ZNF75A: variants seen among roughly 807,000 people sequenced by gnomAD.
The protein encoded by ZNF75A is zinc finger protein 75A.
ZNF75A carries 36 observed loss-of-function variants against 46.3 expected under a neutral mutation model. The observed-to-expected ratio is 0.78, with a 90% CI of 0.60 to 1.03. The LOEUF (loss-of-function observed/expected upper bound fraction) is 1.03, where lower values mean the gene tolerates loss of function less well. Ranked by LOEUF, ZNF75A falls within the 50% of genes least tolerant of loss-of-function variation. The pLI is 0.00. For synonymous variants in ZNF75A, 234 were observed against 189.9 expected, an observed-to-expected ratio of 1.23 and a Z score of -1.91; for missense variants, 595 against 551.3, an observed-to-expected ratio of 1.08 and a Z score of -0.79.
rs751503490 is a variant in ZNF75A, at chr16:3,317,618, A to G, written c.1363A>G (p.Ile455Val). Residue 455 changes from isoleucine to valine, a missense_variant, in exon 7 of 7, where the codon ATA becomes GTA. Ile to Val is a conservative substitution (Grantham distance 29). Coordinates refer to ENST00000669516, the MANE Select transcript of ZNF75A (RefSeq NM_001302109.2). Reference sequence around the variant, plus strand: ...TAAGCACTTAACAACACACCAAGGAATAAAACCATATAAATGTTCATGGTG... The same window carrying G: ...TAAGCACTTAACAACACACCAAGGAGTAAAACCATATAAATGTTCATGGTG... ...LNKHLTTHQG[I>V]KPYKCSWCGK... The G allele has an allele frequency of 1.4e-5, 22 of 1,614,068 alleles. No homozygotes were observed. Among genetic ancestry groups the G allele is most frequent in the Middle Eastern group, 1.6e-4 (1 of 6,082 alleles).
chr16:3,321,151 A>G (rs1044615433), downstream of ZNF75A, among the ~76,000 whole-genome samples: 4 of 152,232 alleles, frequency 2.6e-5, no homozygotes, highest in African/African-American at 9.6e-5. Flanking sequence ...ATTAAAATCT[A>G]TTGAGGCTTG....
Position 3,317,792 on chromosome 16 carries a change from C to T in ZNF75A, c.1537C>T (p.Pro513Ser). The T allele has an allele frequency of 6.2e-7, 1 of 1,614,172 alleles. No homozygotes were observed. The highest frequency in any genetic ancestry group is 8.5e-7 in the Non-Finnish European group (1 of 1,180,026). ...KHRRTHTGEQ[P>S]YTCSICRRNF... The stretch of plus-strand genomic sequence containing the variant: ...CCGGAGAACCCACACAGGTGAGCAG[C>T]CATATACTTGTAGCATATGCAGGAG... Residue 513 changes from proline (P) to serine (S), a missense_variant, in exon 7 of 7, where the codon CCA becomes TCA. By Grantham distance (74) the Pro-to-Ser change is moderately conservative. Transcript: ENST00000669516.
At chr16:3,307,857 A>G (rs1028095722) in intron 1 of ZNF75A, 4 of 152,150 alleles carry the variant, frequency 2.6e-5, no homozygotes, top group Non-Finnish European at 5.9e-5. Flanking sequence ...GAAGGCTTCC[A>G]TCTTCACAAG....
chr16:3,319,533 GCTTT>G (rs1248512336), downstream of ZNF75A, among the ~76,000 whole-genome samples: 7 of 152,190 alleles, frequency 4.6e-5, no homozygotes, highest in Admixed American at 2.0e-4. Context: ...ATCATGTGTG[GCTTT>G]CTTTCTGGCC....
Position 3,318,702 on chromosome 16 carries a change from T to A in ZNF75A, c.*833T>A, listed in dbSNP as rs1961405538. The A allele has an allele frequency of 1.0e-6, 1 of 984,906 alleles. No homozygotes were observed. Among genetic ancestry groups the A allele is most frequent in the East Asian group, 1.1e-4 (1 of 8,830 alleles). 61.0% of individuals were successfully genotyped at this position (984,906 alleles called of 1,614,324 possible). On this transcript the variant is annotated 3_prime_UTR_variant, in exon 7 of 7. Coordinates refer to ENST00000669516, the MANE Select transcript of ZNF75A (RefSeq NM_001302109.2). Reference sequence around the variant, plus strand: ...TTTGTTTGTTTACTTTTTAATTGGCTTTTCTTTGTTGTTAAGAATGAGAGA... The same window carrying A: ...TTTGTTTGTTTACTTTTTAATTGGCATTTCTTTGTTGTTAAGAATGAGAGA...
chr16:3,315,054 T>G, intron 5 of ZNF75A: 1 of 985,342 alleles, frequency 1.0e-6, no homozygotes, highest in Non-Finnish European at 1.2e-6. Context: ...ATGTACGTGC[T>G]CATTCCTTGT....
intron 5 of ZNF75A, chr16:3,315,070 G>A (rs114042533): frequency 1.9e-4 from 186 of 985,008 alleles, no homozygotes; most frequent in African/African-American, 7.2e-4. Flanking sequence ...CTTGTCCTAC[G>A]TGGAGATCTT....
At chr16:3,319,225 T>G (rs1961432117), downstream of ZNF75A, among the ~76,000 whole-genome samples, 1 of 152,188 alleles carries the variant, frequency 6.6e-6, no homozygotes, top group Admixed American at 6.5e-5. Flanking sequence ...GCAATTCTTC[T>G]GCCTCAGCCT....
intron 3 of ZNF75A, 100 bp downstream of exon 3, chr16:3,312,048 T>C (rs1406870141): frequency 8.7e-6 from 5 of 573,272 alleles, no homozygotes. Context: ...GCTCTGTGGA[T>C]TTGTAAAACC....
Position 3,313,141 on chromosome 16 carries a change from A to T in ZNF75A, c.789A>T (p.Val263=), listed in dbSNP as rs1960937507. Residue 263 remains valine, a synonymous_variant, in exon 5 of 7, where the codon GTA becomes GTT. Transcript: ENST00000669516. ...CTCAGAAGGCCCTCTACAATGATGTAATGCAGGAAAACTATGAGACTGTCA... is the reference window on the plus strand; with the variant it reads ...CTCAGAAGGCCCTCTACAATGATGTTATGCAGGAAAACTATGAGACTGTCA... The part of the protein sequence containing the change: ...DPTQKALYND[V]MQENYETVIS... 1 of 1,614,096 alleles carries T rather than the reference A, an allele frequency of 6.2e-7. No homozygotes were observed. The highest frequency in any genetic ancestry group is 1.1e-5 in the South Asian group (1 of 91,078).
chr16:3,308,862 A>G (rs961524220), intron 2 of ZNF75A, 26 bp downstream of exon 2: 1 of 985,134 alleles, frequency 1.0e-6, no homozygotes, highest in African/African-American at 1.7e-5. Context: ...CCTGACATGT[A>G]CAGTGAAATA....
At chr16:3,312,639 GA>G (rs1466020138) in intron 3 of ZNF75A, 37 bp from the exon 4 acceptor site, 2 of 922,208 alleles carry the variant, frequency 2.2e-6, no homozygotes, top group Non-Finnish European at 2.6e-6. Context: ...GATGTTTATA[GA>G]TAAAAGAGAT....
At chr16:3,316,836 C>G in intron 5 of ZNF75A, 76 bp from the exon 6 acceptor site, 1 of 990,560 alleles carries the variant, frequency 1.0e-6, no homozygotes, top group Non-Finnish European at 1.5e-6. Flanking sequence ...TTTGGTCATC[C>G]TGAAACAGTC....
intron 3 of ZNF75A, 68 bp downstream of exon 3, chr16:3,312,016 A>T (rs1382125665): frequency 2.3e-6 from 2 of 887,442 alleles, no homozygotes; most frequent in African/African-American, 1.8e-5. Flanking sequence ...CCAAAATGTC[A>T]TGGGCATTTT....
At position 3,314,077 on chromosome 16, in the gene ZNF75A, C is replaced by A. The variant is rs574672974; in HGVS notation, c.823+902C>A. Among the ~76,000 whole-genome samples, 204 of 152,130 alleles carry A rather than the reference C, an allele frequency of 1.3e-3. 3 individuals carry two copies. The East Asian group carries it at 0.033, about 25-fold the overall frequency. ...GGGAAAAAACGCTATATATATATAT[C>A]TTTTTATTAACTTTCCTCTTGAAAA... On this transcript the variant is annotated intron_variant, in intron 5 of 6. Transcript: ENST00000669516.
At chr16:3,307,559 C>T (rs988541330) in intron 1 of ZNF75A, 1 of 152,022 alleles carries the variant, frequency 6.6e-6, no homozygotes. Flanking sequence ...GCTCTAACTC[C>T]CAGGCTGGAG....
chr16:3,316,692 C>T (rs1434352885), intron 5 of ZNF75A: 10 of 389,888 alleles, frequency 2.6e-5, no homozygotes. Flanking sequence ...ATATCCTTTT[C>T]ATTGATCCAC....
chr16:3,318,861 T>G, downstream of ZNF75A: 1 of 983,892 alleles, frequency 1.0e-6, no homozygotes, highest in Non-Finnish European at 1.2e-6. Flanking sequence ...TGCTAAGTGT[T>G]GGGCGAGGAT....
intron 5 of ZNF75A, chr16:3,314,688 G>C: frequency 1.0e-6 from 1 of 985,274 alleles, no homozygotes; most frequent in African/African-American, 1.7e-5. Context: ...CAGTTCATAC[G>C]CAGTTAGGCT....
Sources: gnomAD v4.1 joint callset for allele counts (sites outside exome capture counted in the v4.1 genomes callset) on GRCh38, gnomAD v4.1.1 for gene constraint, MANE v1.5 for transcripts, NCBI Gene and HGNC (gene_info 2026-07-23, HGNC 2026-07-21) for gene names.